Variants in AKT3 observed in about 807,000 individuals in gnomAD.
AKT3 encodes the protein RAC-gamma serine/threonine-protein kinase.
In AKT3, 15 loss-of-function variants were observed where a neutral mutation model predicts 65.3. That is an observed-to-expected ratio of 0.23 (90% CI 0.15 to 0.35). AKT3 has a LOEUF of 0.35. Ranked by LOEUF, AKT3 falls within the 10% of genes least tolerant of loss-of-function variation. The pLI is 1.00. For synonymous variants in AKT3, 206 were observed against 183.8 expected, an observed-to-expected ratio of 1.12 and a Z score of -0.98; for missense variants, 243 against 576.5, an observed-to-expected ratio of 0.42 and a Z score of 5.92.
At chr1:243,696,607 G>T (rs320305) in intron 2 of AKT3, among the ~76,000 whole-genome samples, 41,986 of 151,720 alleles carry the variant, frequency 0.28, 8,142 homozygotes, top group African/African-American at 0.55. Context: ...AGGCAAAGAA[G>T]TACAAAAAAA....
chr1:243,656,322 TTAC>T (rs1318506418), intron 4 of AKT3, among the ~76,000 whole-genome samples: 1 of 152,186 alleles, frequency 6.6e-6, no homozygotes, highest in Non-Finnish European at 1.5e-5. Flanking sequence ...GATTAGTTAC[TTAC>T]TAATAAATAT....
chr1:243,778,441 T>C (rs1690693054), intron 2 of AKT3, among the ~76,000 whole-genome samples: 1 of 152,162 alleles, frequency 6.6e-6, no homozygotes, highest in Admixed American at 6.5e-5. Context: ...AGGTAAAGCA[T>C]ACACAAATAT....
intron 2 of AKT3, among the ~76,000 whole-genome samples, chr1:243,766,911 T>G (rs543065143): frequency 1.3e-5 from 2 of 152,250 alleles, no homozygotes; most frequent in South Asian, 4.1e-4. Context: ...GAAAGGAAAT[T>G]GATATTAATG....
intron 12 of AKT3, among the ~76,000 whole-genome samples, chr1:243,522,396 G>C (rs1430266153): frequency 6.6e-6 from 1 of 152,168 alleles, no homozygotes; most frequent in African/African-American, 2.4e-5. Context: ...AGTGGCTCAC[G>C]CCTATAATTC....
chr1:243,763,996 G>A (rs527644218), intron 2 of AKT3, among the ~76,000 whole-genome samples: 13 of 152,050 alleles, frequency 8.5e-5, no homozygotes, highest in Non-Finnish European at 1.6e-4. Context: ...TGGCTCTGCA[G>A]CACAACAGAA....
intron 8 of AKT3, 138 bp from the exon 9 acceptor site, chr1:243,573,186 A>G: frequency 1.0e-6 from 1 of 986,216 alleles, no homozygotes. Flanking sequence ...GCACTCTTAG[A>G]CAGCAGCTGG....
chr1:243,497,798 C>G (rs1400833454), downstream of AKT3, among the ~76,000 whole-genome samples: 4 of 152,170 alleles, frequency 2.6e-5, no homozygotes, highest in Non-Finnish European at 2.9e-5. Context: ...CCTACATCAG[C>G]CTTTTGAGTC....
chr1:243,766,367 CA>C (rs1689825165), intron 2 of AKT3, among the ~76,000 whole-genome samples: 1 of 152,042 alleles, frequency 6.6e-6, no homozygotes, highest in South Asian at 2.1e-4. Context: ...TTTTAAATTG[CA>C]ATTAGTCCTA....
chr1:243,669,337 C>T (rs1296654186), intron 3 of AKT3, among the ~76,000 whole-genome samples: 1 of 152,148 alleles, frequency 6.6e-6, no homozygotes. Flanking sequence ...GGAGGACAGA[C>T]ACTTAAATGA....
intron 8 of AKT3, among the ~76,000 whole-genome samples, chr1:243,598,633 G>A (rs373852140): frequency 6.6e-5 from 10 of 152,210 alleles, no homozygotes; most frequent in Non-Finnish European, 8.8e-5. Flanking sequence ...ATCTACAGCC[G>A]TGCCCTAAAG....
intron 2 of AKT3, among the ~76,000 whole-genome samples, chr1:243,705,214 T>C (rs1397703663): frequency 6.6e-6 from 1 of 152,188 alleles, no homozygotes; most frequent in Non-Finnish European, 1.5e-5. Context: ...TTATGAAGTA[T>C]AGTTTTCATA....
At chr1:243,748,921 C>G (rs532293113) in intron 2 of AKT3, among the ~76,000 whole-genome samples, 1 of 152,240 alleles carries the variant, frequency 6.6e-6, no homozygotes, top group African/African-American at 2.4e-5. Context: ...CTTGGTACTT[C>G]ATCTGTTGTA....
At chr1:243,620,349 G>A (rs1271130915) in intron 6 of AKT3, among the ~76,000 whole-genome samples, 1 of 74,712 alleles carries the variant, frequency 1.3e-5, no homozygotes, top group African/African-American at 3.0e-5. Flanking sequence ...ATCTTGGGCA[G>A]TTCTTTATAC....
chr1:243,536,661 T>C (rs1042858362), intron 12 of AKT3, among the ~76,000 whole-genome samples: 2 of 152,220 alleles, frequency 1.3e-5, no homozygotes, highest in Non-Finnish European at 1.5e-5. Context: ...TTATATTTCC[T>C]AACCCAATTT....
At chr1:243,576,581 C>T (rs1674960174) in intron 8 of AKT3, among the ~76,000 whole-genome samples, 1 of 151,830 alleles carries the variant, frequency 6.6e-6, no homozygotes, top group Non-Finnish European at 1.5e-5. Context: ...CATTCCTATA[C>T]AACAACAACA....
chr1:243,703,229 ATACTG>A (rs1685577447), intron 2 of AKT3, among the ~76,000 whole-genome samples: 2 of 152,224 alleles, frequency 1.3e-5, no homozygotes, highest in Admixed American at 6.5e-5. Flanking sequence ...AGCACAAAAA[ATACTG>A]TATAGTCCAT....
chr1:243,636,515 C>T (rs1679983841), intron 6 of AKT3, among the ~76,000 whole-genome samples: 1 of 151,950 alleles, frequency 6.6e-6, no homozygotes, highest in Admixed American at 6.6e-5. Flanking sequence ...TATCCCAATC[C>T]TCAAAATATT....
intron 2 of AKT3, among the ~76,000 whole-genome samples, chr1:243,752,253 T>A (rs1019315268): frequency 2.0e-5 from 3 of 152,192 alleles, no homozygotes; most frequent in African/African-American, 7.2e-5. Context: ...GAAAGGTATA[T>A]CTACTAAAGT....
intron 8 of AKT3, among the ~76,000 whole-genome samples, chr1:243,592,634 T>C (rs186557210): frequency 1.3e-5 from 2 of 152,102 alleles, no homozygotes; most frequent in Admixed American, 1.3e-4. Flanking sequence ...GAGAGGAAAA[T>C]AAAGCCATTA....
Sources: allele counts gnomAD v4.1 joint callset (sites outside exome capture counted in the v4.1 genomes callset), GRCh38; gene constraint gnomAD v4.1.1; transcripts MANE v1.5; gene names NCBI Gene and HGNC (gene_info 2026-07-23, HGNC 2026-07-21).